Variants in SGPP2 observed in about 807,000 individuals in gnomAD.
SGPP2 encodes sphingosine-1-phosphate phosphatase 2.
Under a neutral mutation model 33.9 loss-of-function variants are expected in SGPP2, and 30 were observed. The observed-to-expected ratio is 0.89, with a 90% CI of 0.66 to 1.20. The LOEUF is 1.20. Ranked by LOEUF, SGPP2 falls within the 50% of genes most tolerant of loss-of-function variation. SGPP2 has a pLI of 0.00. For synonymous variants in SGPP2, 233 were observed against 225.0 expected, an observed-to-expected ratio of 1.04 and a Z score of -0.32; for missense variants, 458 against 532.1, an observed-to-expected ratio of 0.86 and a Z score of 1.37.
Position 222,465,501 on chromosome 2 carries a change from T to A in SGPP2, c.220-9067T>A, listed in dbSNP as rs1173749851. On this transcript the variant is annotated intron_variant, in intron 1 of 4. Transcript: ENST00000321276. The surrounding 1 kb of genome is among the most constrained non-coding windows in gnomAD (Gnocchi z 4.1). ...TTGTGAATTCAGGACACCACAGGTC[T>A]CCCTCATGGTAGAAATGATGCCATT... 6.6e-6 allele frequency among the ~76,000 whole-genome samples: 1 copy of A among 152,174 alleles called. No homozygotes were observed. The highest frequency in any genetic ancestry group is 2.4e-5 in the African/African-American group (1 of 41,440).
intron 2 of SGPP2, among the ~76,000 whole-genome samples, chr2:222,475,152 A>T (rs963598362): frequency 3.3e-5 from 5 of 152,150 alleles, no homozygotes; most frequent in Non-Finnish European, 5.9e-5. Context: ...ACCTGAGGTC[A>T]GGTGCCTCCC....
intron 2 of SGPP2, among the ~76,000 whole-genome samples, chr2:222,509,332 C>G (rs1360394309): frequency 6.6e-6 from 1 of 151,738 alleles, no homozygotes; most frequent in Non-Finnish European, 1.5e-5. Context: ...CATGTCCCCC[C>G]AAAAGATGTA....
At position 222,467,950 on chromosome 2, in the gene SGPP2, GAAAAAAAAAAAAAAAAAA is replaced by G. The variant is rs61253653; in HGVS notation, c.220-6597_220-6580del. 0.028 allele frequency among the ~76,000 whole-genome samples: 702 copies of G among 24,862 alleles called. 8 individuals carry two copies. In the South Asian group the frequency reaches 0.37, roughly 13 times the overall value. The allele number at this position is 24,862 out of a possible 152,430, so 16.3% of individuals were successfully genotyped here. On this transcript the variant is annotated intron_variant, in intron 1 of 4. Transcript: ENST00000321276. ...AAATGTATATTTAAAGCTCTAATCT[GAAAAAAAAAAAAAAAAAA>G]AAAAAAAAAAAAAAAAAAAACAGAG... is the stretch of plus-strand genomic sequence containing the variant.
intron 2 of SGPP2, among the ~76,000 whole-genome samples, chr2:222,500,549 C>T (rs138182663): frequency 9.2e-5 from 14 of 152,226 alleles, no homozygotes; most frequent in African/African-American, 3.1e-4. Flanking sequence ...ATGAAATTGG[C>T]TTTTCCAGTG....
chr2:222,503,171 C>T (rs1386975211), intron 2 of SGPP2, among the ~76,000 whole-genome samples: 1 of 152,104 alleles, frequency 6.6e-6, no homozygotes, highest in Non-Finnish European at 1.5e-5. Flanking sequence ...TTATGTAGCC[C>T]ATTCAGGAAA....
At chr2:222,480,946 G>A (rs1332923277) in intron 2 of SGPP2, among the ~76,000 whole-genome samples, 1 of 152,200 alleles carries the variant, frequency 6.6e-6, no homozygotes, top group African/African-American at 2.4e-5. Flanking sequence ...TCCTTTGCCA[G>A]TACATGGATG....
At chr2:222,539,486 C>T (rs949315808) in intron 4 of SGPP2, among the ~76,000 whole-genome samples, 4 of 152,204 alleles carry the variant, frequency 2.6e-5, no homozygotes, top group African/African-American at 4.8e-5. Context: ...ACTCAGTGTC[C>T]GGCACCACTA....
chr2:222,427,279 G>A (rs1414708106), intron 1 of SGPP2, among the ~76,000 whole-genome samples: 1 of 151,896 alleles, frequency 6.6e-6, no homozygotes, highest in African/African-American at 2.4e-5. Context: ...TTTTTTTTAA[G>A]AGACAGGGTC....
At chr2:222,427,347 A>G (rs751228826) in intron 1 of SGPP2, among the ~76,000 whole-genome samples, 24 of 152,152 alleles carry the variant, frequency 1.6e-4, no homozygotes, top group Non-Finnish European at 2.8e-4. Context: ...TGCATCTTCC[A>G]CATCCTGGAC....
intron 1 of SGPP2, among the ~76,000 whole-genome samples, chr2:222,434,906 G>T (rs939062876): frequency 6.6e-6 from 1 of 151,560 alleles, no homozygotes; most frequent in African/African-American, 2.4e-5. Flanking sequence ...AATGGAAGGA[G>T]CCTCTGTTAG....
intron 1 of SGPP2, among the ~76,000 whole-genome samples, chr2:222,472,560 G>C (rs779026047): frequency 3.9e-5 from 6 of 152,146 alleles, no homozygotes; most frequent in Non-Finnish European, 8.8e-5. Flanking sequence ...GAAGTCACAC[G>C]CCTGGTCAGT....
chr2:222,465,602 A>G lies in SGPP2; in HGVS notation c.220-8966A>G, dbSNP rs1037257777. 1.3e-5 allele frequency among the ~76,000 whole-genome samples: 2 copies of G among 152,246 alleles called. No individual in the cohort carries two copies. The highest frequency in any genetic ancestry group is 4.8e-5 in the African/African-American group (2 of 41,462). On this transcript the variant is annotated intron_variant, in intron 1 of 4. Transcript: ENST00000321276. The surrounding 1 kb of genome is among the most constrained non-coding windows in gnomAD (Gnocchi z 4.1). ...ACCAAGTTTAAGAAATCAAAAAACA[A>G]AAGAATTAAAGCAGGGCTTCATCCC...
At chr2:222,511,587 A>G (rs2106125728) in intron 2 of SGPP2, among the ~76,000 whole-genome samples, 2 of 152,334 alleles carry the variant, frequency 1.3e-5, no homozygotes, top group South Asian at 4.1e-4. Flanking sequence ...CTCTTCAACA[A>G]TACAGAGAAA....
chr2:222,505,419 C>T (rs1698430214), intron 2 of SGPP2, among the ~76,000 whole-genome samples: 6 of 152,136 alleles, frequency 3.9e-5, no homozygotes, highest in Admixed American at 3.9e-4. Context: ...TGGGTTAAAT[C>T]AAGTGGGTCC....
chr2:222,473,856 G>A (rs574065801), intron 1 of SGPP2, among the ~76,000 whole-genome samples: 50 of 149,768 alleles, frequency 3.3e-4, no homozygotes, highest in African/African-American at 9.4e-4. Flanking sequence ...CCCAGGAGGC[G>A]GAGGTTGTAG....
chr2:222,443,169 G>T (rs563434509), intron 1 of SGPP2, among the ~76,000 whole-genome samples: 2 of 152,018 alleles, frequency 1.3e-5, no homozygotes. Context: ...AACCATTCTC[G>T]GCTTTGCCCT....
Position 222,477,664 on chromosome 2 carries a change from A to G in SGPP2, c.378+2938A>G, listed in dbSNP as rs1697967774. Reference sequence around the variant, plus strand: ...GAGTGGGGCAGATGATGAGAAGTACATTACACAGGAATATCTTATAATGTG... The same window carrying G: ...GAGTGGGGCAGATGATGAGAAGTACGTTACACAGGAATATCTTATAATGTG... On this transcript the variant is annotated intron_variant, in intron 2 of 4. Coordinates refer to ENST00000321276, the MANE Select transcript of SGPP2 (RefSeq NM_152386.4). The surrounding 1 kb of genome is among the most constrained non-coding windows in gnomAD (Gnocchi z 6.0). Among the ~76,000 whole-genome samples the G allele has an allele frequency of 6.6e-6, 1 of 151,972 alleles. No homozygotes were observed. Among genetic ancestry groups the G allele is most frequent in the African/African-American group, 2.4e-5 (1 of 41,332 alleles).
chr2:222,521,120 A>G (rs1476090894), intron 2 of SGPP2, among the ~76,000 whole-genome samples: 6 of 152,236 alleles, frequency 3.9e-5, no homozygotes, highest in African/African-American at 1.2e-4. Context: ...GCTCCTGATT[A>G]CTAAAGAAGT....
At chr2:222,430,793 T>G (rs1457926041) in intron 1 of SGPP2, among the ~76,000 whole-genome samples, 2 of 152,220 alleles carry the variant, frequency 1.3e-5, no homozygotes, top group African/African-American at 4.8e-5. Context: ...CATGTTCTCT[T>G]GATGCATATT....
Sources: allele counts gnomAD v4.1 joint callset (sites outside exome capture counted in the v4.1 genomes callset), GRCh38; gene constraint gnomAD v4.1.1; non-coding constraint Gnocchi (gnomAD v3.1); transcripts MANE v1.5; gene names NCBI Gene and HGNC (gene_info 2026-07-23, HGNC 2026-07-21).